ABHD2: variants seen among roughly 807,000 people sequenced by gnomAD.
ABHD2 encodes the protein monoacylglycerol lipase ABHD2.
ABHD2 carries 20 observed loss-of-function variants against 48.1 expected under a neutral mutation model. That is an observed-to-expected ratio of 0.42 (90% CI 0.29 to 0.60). The LOEUF (loss-of-function observed/expected upper bound fraction) is 0.60, where lower values mean the gene tolerates loss of function less well. ABHD2 is among the 20% of genes least tolerant of loss of function. The pLI is 0.24. For missense variants in ABHD2, 405 were observed against 550.9 expected, an observed-to-expected ratio of 0.74 and a Z score of 2.65; for synonymous variants, 209 against 214.2, an observed-to-expected ratio of 0.98 and a Z score of 0.21.
intron 1 of ABHD2, among the ~76,000 whole-genome samples, chr15:89,090,924 TA>T: frequency 6.6e-6 from 1 of 152,300 alleles, no homozygotes; most frequent in South Asian, 2.1e-4. Flanking sequence ...GTCATTCGAA[TA>T]GGGGGAGCAC....
At chr15:89,080,947 T>C in the ABHD2 span, among the ~76,000 whole-genome samples, 1 of 151,956 alleles carries the variant, frequency 6.6e-6, no homozygotes, top group African/African-American at 2.4e-5. Context: ...TTACATAATG[T>C]CTTCAAGTAT....
the ABHD2 span, among the ~76,000 whole-genome samples, chr15:89,051,248 G>C: frequency 6.6e-6 from 1 of 152,080 alleles, no homozygotes; most frequent in African/African-American, 2.4e-5. Context: ...ATAATAATAA[G>C]TATGCTAGAA....
chr15:89,064,988 C>A, the ABHD2 span, among the ~76,000 whole-genome samples: 2 of 152,082 alleles, frequency 1.3e-5, no homozygotes, highest in African/African-American at 2.4e-5. Context: ...TTTGTGTTAA[C>A]CATTCCCATG....
In ABHD2 at chr15:89,194,131, T is replaced by C. The variant is rs186969136; in HGVS notation, c.1081+812T>C. Among the ~76,000 whole-genome samples the C allele has an allele frequency of 3.1e-3, 469 of 152,210 alleles. 2 individuals carry two copies. Among genetic ancestry groups the C allele is most frequent in the African/African-American group, 0.011 (452 of 41,548 alleles). ...AGTAAAAAATAAAATAAAATTTGAC[T>C]TGAAAAGCAAAACAAAAAATCCGGT... On this transcript the variant is annotated intron_variant, in intron 10 of 10. Coordinates refer to ENST00000352732, the MANE Select transcript of ABHD2 (RefSeq NM_152924.5).
At chr15:89,139,407 C>T (rs1024519184) in intron 3 of ABHD2, among the ~76,000 whole-genome samples, 49 of 152,256 alleles carry the variant, frequency 3.2e-4, no homozygotes, top group African/African-American at 9.9e-4. Flanking sequence ...CATTGCCCAC[C>T]GCTCCTGTCT....
rs1002418956 is a variant in ABHD2, at chr15:89,104,692, G to T, written c.-106-9033G>T. 6.6e-6 allele frequency among the ~76,000 whole-genome samples: 1 copy of T among 152,194 alleles called. No individual in the cohort carries two copies. Among genetic ancestry groups the T allele is most frequent in the African/African-American group, 2.4e-5 (1 of 41,456 alleles). On this transcript the variant is annotated intron_variant, in intron 1 of 10. Coordinates refer to ENST00000352732, the MANE Select transcript of ABHD2 (RefSeq NM_152924.5). This position sits in a 1 kb window ranked among gnomAD's most constrained non-coding sequence, Gnocchi z 4.4. ...TTTGCCTGCCTTAGGGAGTTAGATGGGTTGAGTGGTTCTTCAGGCAACGGT... is the reference window on the plus strand; with the variant it reads ...TTTGCCTGCCTTAGGGAGTTAGATGTGTTGAGTGGTTCTTCAGGCAACGGT...
chr15:89,155,294 G>T lies in ABHD2; in HGVS notation c.371-73G>T. Reference sequence around the variant, plus strand: ...TTCCCTCCCCTTGTTTTCTAGACCAGTGAAGTGTAATTATGTCCATTTATC... The same window carrying T: ...TTCCCTCCCCTTGTTTTCTAGACCATTGAAGTGTAATTATGTCCATTTATC... On this transcript the variant is annotated intron_variant, in intron 4 of 10. Coordinates refer to ENST00000352732, the MANE Select transcript of ABHD2 (RefSeq NM_152924.5). This position sits in a 1 kb window ranked among gnomAD's most constrained non-coding sequence, Gnocchi z 4.9. 4 of 1,496,110 alleles carry T rather than the reference G, an allele frequency of 2.7e-6. 1 individual carries two copies. The South Asian group carries it at 4.9e-5, about 18-fold the overall frequency. The allele number at this position is 1,496,110 out of a possible 1,614,324, so 92.7% of individuals were successfully genotyped here.
intron 1 of ABHD2, among the ~76,000 whole-genome samples, chr15:89,099,232 A>G (rs1049778225): frequency 1.2e-4 from 18 of 152,182 alleles, no homozygotes; most frequent in African/African-American, 4.1e-4. Flanking sequence ...AAAATCACGA[A>G]CACTTTATAA....
chr15:89,093,092 G>A (rs1209822452), intron 1 of ABHD2, among the ~76,000 whole-genome samples: 1 of 152,024 alleles, frequency 6.6e-6, no homozygotes, highest in African/African-American at 2.4e-5. Flanking sequence ...GCATTTCCAG[G>A]GAAAGTTTGC....
chr15:89,105,621 G>A (rs770296706), intron 1 of ABHD2, among the ~76,000 whole-genome samples: 3 of 152,232 alleles, frequency 2.0e-5, no homozygotes, highest in Admixed American at 6.5e-5. Flanking sequence ...TGTGTGACTT[G>A]ATGATCCCTT....
At chr15:89,051,783 AACTGTGAGT>A in the ABHD2 span, among the ~76,000 whole-genome samples, 1 of 152,110 alleles carries the variant, frequency 6.6e-6, no homozygotes, top group Non-Finnish European at 1.5e-5. Context: ...AGCCATCTGG[AACTGTGAGT>A]CAATTAAACC....
the ABHD2 span, among the ~76,000 whole-genome samples, chr15:89,050,938 A>T: frequency 2.4e-4 from 35 of 147,666 alleles, 1 homozygote; most frequent in South Asian, 6.8e-3. Context: ...AAGATAAATT[A>T]AAAAAAAAAA....
At chr15:89,171,830 C>G (rs549968172) in intron 5 of ABHD2, among the ~76,000 whole-genome samples, 1 of 152,168 alleles carries the variant, frequency 6.6e-6, no homozygotes, top group Non-Finnish European at 1.5e-5. Flanking sequence ...GTGGTTGCAC[C>G]TGAGGATCTT....
the ABHD2 span, among the ~76,000 whole-genome samples, chr15:89,056,347 T>G: frequency 6.6e-6 from 1 of 152,178 alleles, no homozygotes; most frequent in Admixed American, 6.5e-5. Flanking sequence ...TTTTGCAACT[T>G]GAATGACACA....
At position 89,151,957 on chromosome 15, in the gene ABHD2, G is replaced by C; in HGVS notation, c.370+105G>C. ...ACTTGTGCCACTGACTCTGCCCATG[G>C]CATCAGGGGCTGTTGGGAAGCCTGC... On this transcript the variant is annotated intron_variant, in intron 4 of 10. Coordinates refer to ENST00000352732, the MANE Select transcript of ABHD2 (RefSeq NM_152924.5). The surrounding 1 kb of genome is among the most constrained non-coding windows in gnomAD (Gnocchi z 4.7). 1 of 1,410,572 alleles carries C rather than the reference G, an allele frequency of 7.1e-7. No homozygotes were observed. Among genetic ancestry groups the C allele is most frequent in the South Asian group, 1.4e-5 (1 of 71,486 alleles). 87.4% of individuals were successfully genotyped at this position (1,410,572 alleles called of 1,614,324 possible).
chr15:89,115,413 TGTGTGTGTGTG>T (rs1300147600), intron 2 of ABHD2, among the ~76,000 whole-genome samples: 1 of 106,184 alleles, frequency 9.4e-6, no homozygotes, highest in Non-Finnish European at 2.2e-5. Context: ...TGTGTGTGTG[TGTGTGTGTGTG>T]TGTGTGTTTT....
At chr15:89,162,723 CT>C (rs1453634314) in intron 5 of ABHD2, among the ~76,000 whole-genome samples, 3 of 152,118 alleles carry the variant, frequency 2.0e-5, no homozygotes, top group African/African-American at 7.2e-5. Context: ...TCTAATGCCC[CT>C]CCTTACTTTC....
At position 89,151,716 on chromosome 15, in the gene ABHD2, C is replaced by T; in HGVS notation, c.234C>T (p.Ile78=). 4 of 1,614,204 alleles carry T rather than the reference C, an allele frequency of 2.5e-6. No homozygotes were observed. Among genetic ancestry groups the T allele is most frequent in the Non-Finnish European group, 3.4e-6 (4 of 1,180,030 alleles). Residue 78 remains isoleucine (I), a synonymous_variant, in exon 4 of 11, where the codon ATC becomes ATT. Coordinates refer to ENST00000352732, the MANE Select transcript of ABHD2 (RefSeq NM_152924.5). The surrounding 1 kb of genome is among the most constrained non-coding windows in gnomAD (Gnocchi z 4.7). ...PPLIWGKSGH[I]QTALYGKMGR... is the part of the protein sequence containing the mutation. Reference sequence around the variant, plus strand: ...TGATCTGGGGGAAAAGTGGACACATCCAGACAGCCTTGTATGGGAAGATGG... The same window carrying T: ...TGATCTGGGGGAAAAGTGGACACATTCAGACAGCCTTGTATGGGAAGATGG...
rs1034109321 is a variant in ABHD2 at position 89,104,717 on chromosome 15, T to C, written c.-106-9008T>C. The stretch of plus-strand genomic sequence containing the variant: ...GGTTGAGTGGTTCTTCAGGCAACGG[T>C]TGTGCCAGGCACTGGGTCTTGCCCT... On this transcript the variant is annotated intron_variant, in intron 1 of 10. Coordinates refer to ENST00000352732, the MANE Select transcript of ABHD2 (RefSeq NM_152924.5). The surrounding 1 kb of genome is among the most constrained non-coding windows in gnomAD (Gnocchi z 4.4). 2.0e-5 allele frequency among the ~76,000 whole-genome samples: 3 copies of C among 152,238 alleles called. No homozygotes were observed. The highest frequency in any genetic ancestry group is 4.4e-5 in the Non-Finnish European group (3 of 68,038).
Sources: allele counts gnomAD v4.1 joint callset (sites outside exome capture counted in the v4.1 genomes callset), GRCh38; gene constraint gnomAD v4.1.1; non-coding constraint Gnocchi (gnomAD v3.1); transcripts MANE v1.5; gene names NCBI Gene and HGNC (gene_info 2026-07-23, HGNC 2026-07-21).